The following WIZ variants were observed in gnomAD, a reference collection of about 807,000 sequenced individuals.
The protein encoded by WIZ is protein Wiz.
Under a neutral mutation model 140.2 loss-of-function variants are expected in WIZ, and 25 were observed. The observed-to-expected ratio is 0.18, with a 90% CI of 0.13 to 0.25. The LOEUF (loss-of-function observed/expected upper bound fraction) is 0.25. WIZ is among the 10% of genes least tolerant of loss of function. The pLI is 1.00. For synonymous variants in WIZ, 1,125 were observed against 1,154.3 expected (o/e 0.97, Z 0.51); for missense variants, 2,231 against 2,632.6 (o/e 0.85, Z 3.34).
At chr19:15,447,132 C>T (rs1186058787) in intron 2 of WIZ, among the ~76,000 whole-genome samples, 4 of 152,200 alleles carry the variant, frequency 2.6e-5, no homozygotes, top group African/African-American at 9.7e-5. Flanking sequence ...TTGCAAAAGC[C>T]TTGGCACGGA....
rs568171270 is a variant in WIZ at position 15,428,016 on chromosome 19, C to T, written c.3814+94G>A. ...GCCCACTGCCAAGGGCCCCTGTCTA[C>T]TCCCTGCCCCAGCAGGGAGGGGGCT... On this transcript the variant is annotated intron_variant, in intron 8 of 12. Coordinates refer to ENST00000673675, the MANE Select transcript of WIZ (RefSeq NM_001371589.1). This position sits in a 1 kb window ranked among gnomAD's most constrained non-coding sequence, Gnocchi z 6.4. 1.4e-4 allele frequency: 205 copies of T among 1,481,438 alleles called. No homozygotes were observed. In the East Asian group the frequency reaches 3.3e-3, roughly 24 times the overall value. The allele number at this position is 1,481,438 out of a possible 1,614,324, so 91.8% of individuals were successfully genotyped here. A position where few individuals can be genotyped will look rare whatever the true frequency, so the allele number is the denominator to read the frequency against.
At position 15,428,053 on chromosome 19, in the gene WIZ, C is replaced by G. The variant is rs537198279; in HGVS notation, c.3814+57G>C. 7.1e-5 allele frequency: 107 copies of G among 1,517,672 alleles called. No homozygotes were observed. The highest frequency in any genetic ancestry group is 2.7e-4 in the South Asian group (22 of 81,442). The allele number at this position is 1,517,672 out of a possible 1,614,324, so 94.0% of individuals were successfully genotyped here. A position where few individuals can be genotyped will look rare whatever the true frequency, so the allele number is the denominator to read the frequency against. ...GCAGGGAGGGGGCTGTGACCCCCCCCCCGGGAGGGGCTCCAGGGCCCGCAG... is the reference window on the plus strand; with the variant it reads ...GCAGGGAGGGGGCTGTGACCCCCCCGCCGGGAGGGGCTCCAGGGCCCGCAG... On this transcript the variant is annotated intron_variant, in intron 8 of 12. Coordinates refer to ENST00000673675, the MANE Select transcript of WIZ (RefSeq NM_001371589.1). The surrounding 1 kb of genome is among the most constrained non-coding windows in gnomAD (Gnocchi z 6.4).
intron 9 of WIZ, 101 bp downstream of exon 9, chr19:15,426,881 C>CGGTGGTCG: frequency 7.8e-6 from 11 of 1,405,096 alleles, no homozygotes; most frequent in South Asian, 1.4e-5. Flanking sequence ...TGCGTGTCCT[C>CGGTGGTCG]CCTTCCAATT....
At chr19:15,432,463 CCCGGCT>C (rs1312537100) in intron 5 of WIZ, 1 of 983,304 alleles carries the variant, frequency 1.0e-6, no homozygotes, top group Non-Finnish European at 1.2e-6. Flanking sequence ...GGGCCCGGGC[CCCGGCT>C]CCGGCTCGGC....
Position 15,433,288 on chromosome 19 carries a change from TC to T in WIZ, c.2741-2107del, listed in dbSNP as rs1969386530. ...CAACACATTTCAATCACCGCCTGCTTCTCTCTCCGATTGTCCCCAGCTGTTC... is the reference window on the plus strand; with the variant it reads ...CAACACATTTCAATCACCGCCTGCTTTCTCTCCGATTGTCCCCAGCTGTTC... On this transcript the variant is annotated intron_variant, in intron 5 of 12. Coordinates refer to ENST00000673675, the MANE Select transcript of WIZ (RefSeq NM_001371589.1). 1.7e-5 allele frequency: 17 copies of T among 985,248 alleles called. No individual in the cohort carries two copies. The South Asian group carries it at 7.1e-4, about 41-fold the overall frequency. 61.0% of individuals were successfully genotyped at this position (985,248 alleles called of 1,614,324 possible). A position where few individuals can be genotyped will look rare whatever the true frequency, so the allele number is the denominator to read the frequency against.
chr19:15,430,356 G>A (rs772855733), intron 6 of WIZ, among the ~76,000 whole-genome samples: 1 of 152,228 alleles, frequency 6.6e-6, no homozygotes, highest in Non-Finnish European at 1.5e-5. Context: ...CATCCAGCCA[G>A]TGGGACACCT....
rs1968440449 is a variant in WIZ, at chr19:15,422,634, C to A, written c.*442G>T. On this transcript the variant is annotated 3_prime_UTR_variant, in exon 13 of 13. Transcript: ENST00000673675. ...GGCAGGTCCCGGGTCTCACGAGGTGCGTGTTGTGTGTGTTCGCATGTACAT... is the reference window on the plus strand; with the variant it reads ...GGCAGGTCCCGGGTCTCACGAGGTGAGTGTTGTGTGTGTTCGCATGTACAT... 1.8e-5 allele frequency: 3 copies of A among 163,132 alleles called. No homozygotes were observed. The highest frequency in any genetic ancestry group is 4.0e-5 in the Non-Finnish European group (3 of 75,128). 10.1% of individuals were successfully genotyped at this position (163,132 alleles called of 1,614,324 possible).
At position 15,428,159 on chromosome 19, in the gene WIZ, G is replaced by A. The variant is rs1281697231; in HGVS notation, c.3765C>T (p.Ala1255=). 18 of 1,534,382 alleles carry A rather than the reference G, an allele frequency of 1.2e-5. No individual in the cohort carries two copies. The highest frequency in any genetic ancestry group is 2.1e-4 in the Middle Eastern group (1 of 4,854). The part of the protein sequence containing the change: ...WGKQDLSAAA[A]AGIFWASDVE... ...CATCAGAGGCCCAGAAAATGCCGGCGGCTGCGGCGGCCGAGAGGTCCTGCT... is the reference window on the plus strand; with the variant it reads ...CATCAGAGGCCCAGAAAATGCCGGCAGCTGCGGCGGCCGAGAGGTCCTGCT... The change falls in exon 8 of 13, where the codon GCC becomes GCT. Residue 1255 remains alanine, a synonymous_variant. Coordinates refer to ENST00000673675, the MANE Select transcript of WIZ (RefSeq NM_001371589.1). This position sits in a 1 kb window ranked among gnomAD's most constrained non-coding sequence, Gnocchi z 6.4.
intron 2 of WIZ, among the ~76,000 whole-genome samples, chr19:15,445,739 C>T (rs1380725389): frequency 2.0e-5 from 3 of 152,172 alleles, no homozygotes; most frequent in Non-Finnish European, 4.4e-5. Context: ...ACCAGAGAGG[C>T]AGGAGCTGCA....
chr19:15,423,336 G>A, intron 12 of WIZ, 101 bp from the exon 13 acceptor site: 1 of 1,427,160 alleles, frequency 7.0e-7, no homozygotes, highest in South Asian at 1.3e-5. Context: ...TACTCAGTGT[G>A]GACAGAGCCA....
intron 2 of WIZ, among the ~76,000 whole-genome samples, chr19:15,443,373 A>G (rs1347839848): frequency 1.3e-5 from 2 of 152,158 alleles, no homozygotes; most frequent in African/African-American, 4.8e-5. Context: ...TGCCCGGCCT[A>G]AAAACCAGAC....
chr19:15,427,575 G>C lies in WIZ; in HGVS notation c.3815-42C>G. 1.3e-6 allele frequency: 2 copies of C among 1,566,388 alleles called. No homozygotes were observed. The highest frequency in any genetic ancestry group is 1.7e-6 in the Non-Finnish European group (2 of 1,156,038). On this transcript the variant is annotated intron_variant, in intron 8 of 12. Coordinates refer to ENST00000673675, the MANE Select transcript of WIZ (RefSeq NM_001371589.1). This position sits in a 1 kb window ranked among gnomAD's most constrained non-coding sequence, Gnocchi z 6.4. Reference sequence around the variant, plus strand: ...AAGGGGCAGTTAGCATCGTGGAACTGCCAGCATGGTCACCTGCAGGAGTGT... The same window carrying C: ...AAGGGGCAGTTAGCATCGTGGAACTCCCAGCATGGTCACCTGCAGGAGTGT...
At chr19:15,443,324 G>A (rs544849170) in intron 2 of WIZ, among the ~76,000 whole-genome samples, 21 of 152,118 alleles carry the variant, frequency 1.4e-4, no homozygotes, top group Non-Finnish European at 2.6e-4. Flanking sequence ...CACCCACCTC[G>A]GCCTCCCAAA....
chr19:15,425,046 G>C lies in WIZ; in HGVS notation c.4895-14C>G. ...AGGCCTCGGTGGCTGCGGGGCGGAG[G>C]GGGTGCTGCTGAGTCACAGCCCAAA... On this transcript the variant is annotated splice_polypyrimidine_tract_variant and intron_variant, in intron 10 of 12. Transcript: ENST00000673675. 4 of 1,556,598 alleles carry C rather than the reference G, an allele frequency of 2.6e-6. No individual in the cohort carries two copies. Among genetic ancestry groups the C allele is most frequent in the Non-Finnish European group, 1.7e-6 (2 of 1,154,896 alleles).
intron 6 of WIZ, among the ~76,000 whole-genome samples, chr19:15,430,350 C>T (rs558091503): frequency 6.6e-6 from 1 of 152,232 alleles, no homozygotes; most frequent in South Asian, 2.1e-4. Flanking sequence ...TTCTGTCATC[C>T]AGCCAGTGGG....
intron 9 of WIZ, 104 bp downstream of exon 9, chr19:15,426,878 C>G: frequency 1.4e-6 from 2 of 1,379,598 alleles, no homozygotes; most frequent in African/African-American, 2.9e-5. Context: ...ACCTGCGTGT[C>G]CTCCCTTCCA....
At chr19:15,444,656 G>A (rs1353780382) in intron 2 of WIZ, among the ~76,000 whole-genome samples, 1 of 152,208 alleles carries the variant, frequency 6.6e-6, no homozygotes, top group Non-Finnish European at 1.5e-5. Context: ...TTTTAGGATG[G>A]GGGTGTTGGA....
intron 5 of WIZ, among the ~76,000 whole-genome samples, chr19:15,431,943 GAGCAAAGGATGAAGGAA>G: frequency 6.6e-6 from 1 of 152,348 alleles, no homozygotes; most frequent in African/African-American, 2.4e-5. Flanking sequence ...TTAGAGTTCA[GAGCAAAGGATGAAGGAA>G]CTGTGCCAAA....
At position 15,427,181 on chromosome 19, in the gene WIZ, T is replaced by C; in HGVS notation, c.4167A>G (p.Ser1389=). ...PPPPGSPLGH[S]PTASPPPTAR... is the part of the protein sequence containing the mutation. ...CCGTAGGAGGAGGAGAGGCAGTTGG[T>C]GAGTGGCCCAGGGGGCTGCCCGGTG... Residue 1389 remains serine (S), a synonymous_variant, in exon 9 of 13, where the codon TCA becomes TCG. Coordinates refer to ENST00000673675, the MANE Select transcript of WIZ (RefSeq NM_001371589.1). This position sits in a 1 kb window ranked among gnomAD's most constrained non-coding sequence, Gnocchi z 6.4. 1 of 1,614,088 alleles carries C rather than the reference T, an allele frequency of 6.2e-7. No homozygotes were observed. The highest frequency in any genetic ancestry group is 8.5e-7 in the Non-Finnish European group (1 of 1,180,006).
Sources: gnomAD v4.1 joint callset for allele counts (sites outside exome capture counted in the v4.1 genomes callset) on GRCh38, gnomAD v4.1.1 for gene constraint, Gnocchi (gnomAD v3.1) non-coding constraint, MANE v1.5 for transcripts, NCBI Gene and HGNC (gene_info 2026-07-23, HGNC 2026-07-21) for gene names.